The following LPCAT3 variants were observed in gnomAD, a reference collection of about 807,000 sequenced individuals.
LPCAT3 encodes the protein lysophosphatidylcholine acyltransferase 3.
LPCAT3 carries 21 observed loss-of-function variants against 63.4 expected under a neutral mutation model. The observed-to-expected ratio is 0.33, with a 90% CI of 0.23 to 0.48. LPCAT3 has a LOEUF of 0.48. LPCAT3 is among the 20% of genes least tolerant of loss of function. The probability of loss-of-function intolerance (pLI) is 0.99; values close to 1 mark genes in which losing one functional copy is unlikely to be tolerated. For missense variants in LPCAT3, 451 were observed against 590.6 expected (o/e 0.76, Z 2.45); for synonymous variants, 242 against 227.5 (o/e 1.06, Z -0.58).
intron 1 of LPCAT3, among the ~76,000 whole-genome samples, chr12:6,991,019 TATAA>T (rs1946584792): frequency 6.6e-6 from 1 of 151,766 alleles, no homozygotes; most frequent in African/African-American, 2.4e-5. Flanking sequence ...ATTATATTAA[TATAA>T]ATAACATACT....
intron 1 of LPCAT3, among the ~76,000 whole-genome samples, chr12:7,006,919 C>T (rs943116416): frequency 9.2e-5 from 14 of 152,210 alleles, no homozygotes; most frequent in African/African-American, 3.4e-4. Flanking sequence ...TTTACCACAT[C>T]TACATGGATG....
chr12:6,976,987 C>T, intron 12 of LPCAT3, 96 bp from the exon 13 acceptor site: 3 of 630,242 alleles, frequency 4.8e-6, no homozygotes, highest in South Asian at 3.7e-5. Flanking sequence ...CTCAATAAGT[C>T]ACAGTAGTCA....
intron 7 of LPCAT3, chr12:6,979,234 G>C: frequency 1.8e-6 from 1 of 551,044 alleles, no homozygotes; most frequent in Non-Finnish European, 3.2e-6. Flanking sequence ...GGCTCCTAGA[G>C]AAGGCAACGG....
At chr12:6,993,438 G>GA (rs113095523) in intron 1 of LPCAT3, among the ~76,000 whole-genome samples, 504 of 134,892 alleles carry the variant, frequency 3.7e-3, no homozygotes, top group Middle Eastern at 7.8e-3. Context: ...ATCTCAAAAA[G>GA]AAAAAAAAAA....
chr12:7,018,298 G>A lies in LPCAT3; in HGVS notation c.127C>T (p.Arg43Trp). The part of the protein sequence containing the change: ...TSLGASEQAL[R>W]LIISIFLGYP... ...CCCAGGAAGATGGAGATGATCAGCC[G>A]CAGCGCCTGTTCTGACGCGCCCAGG... The change falls in exon 1 of 13, where the codon CGG becomes TGG. Residue 43 changes from arginine (R) to tryptophan (W), a missense_variant. Arg to Trp is a moderately radical substitution (Grantham distance 101). Around this residue, in one of 3 missense-constraint regions of LPCAT3, gnomAD observed 133 missense variants for 152.1 expected, o/e 0.87. Transcript: ENST00000261407. The surrounding 1 kb of genome is among the most constrained non-coding windows in gnomAD (Gnocchi z 4.9). 6.2e-7 allele frequency: 1 copy of A among 1,605,730 alleles called. No homozygotes were observed. The highest frequency in any genetic ancestry group is 8.5e-7 in the Non-Finnish European group (1 of 1,176,530).
At position 6,981,631 on chromosome 12, in the gene LPCAT3, A is replaced by G. The variant is rs782102543; in HGVS notation, c.462T>C (p.Gly154=). 2 of 1,613,212 alleles carry G rather than the reference A, an allele frequency of 1.2e-6. No individual in the cohort carries two copies. Among genetic ancestry groups the G allele is most frequent in the Non-Finnish European group, 1.7e-6 (2 of 1,179,736 alleles). The stretch of plus-strand genomic sequence containing the variant: ...CTCCGTCAAAGTAGTCAACAGCCAA[A>G]CCTGAGCAGAGAGAGAACGGATGGG... ...PHCVLTLKLI[G]LAVDYFDGGK... is the part of the protein sequence containing the mutation. The change falls in exon 5 of 13, where the codon GGT becomes GGC. Residue 154 remains glycine, a splice_region_variant and synonymous_variant. Transcript: ENST00000261407.
intron 7 of LPCAT3, chr12:6,979,105 G>C (rs76427977): frequency 3.3e-6 from 1 of 301,314 alleles, no homozygotes; most frequent in Non-Finnish European, 6.2e-6. Flanking sequence ...CCCTTCCCTT[G>C]GTTTCTGAAT....
chr12:6,978,013 C>T (rs978034351), intron 9 of LPCAT3: 2 of 564,072 alleles, frequency 3.5e-6, no homozygotes, highest in Non-Finnish European at 6.3e-6. Flanking sequence ...GAACCAGACA[C>T]TCTACTCAAG....
In LPCAT3 at chr12:6,978,340, C is replaced by T; in HGVS notation, c.1040+1G>A. On this transcript the variant is annotated splice_donor_variant, in intron 9 of 12. Transcript: ENST00000261407. LOFTEE classifies it high-confidence loss of function. ...GTCCAGGCTCCCCACCAGCAGCTCA[C>T]CGGGCCACCCAGGCGTTGGTGTTGA... 1 of 1,604,998 alleles carries T rather than the reference C, an allele frequency of 6.2e-7. No individual in the cohort carries two copies. The highest frequency in any genetic ancestry group is 8.5e-7 in the Non-Finnish European group (1 of 1,174,918).
intron 1 of LPCAT3, among the ~76,000 whole-genome samples, chr12:7,005,970 G>A (rs762664182): frequency 6.6e-6 from 1 of 151,984 alleles, no homozygotes; most frequent in Admixed American, 6.6e-5. Flanking sequence ...TTTTTTCTAT[G>A]TCAGCATCTC....
intron 7 of LPCAT3, 23 bp downstream of exon 7, chr12:6,979,448 C>T: frequency 6.5e-7 from 1 of 1,540,350 alleles, no homozygotes; most frequent in South Asian, 1.1e-5. Flanking sequence ...AGTCATGCTG[C>T]TGCTGCTTTA....
intron 1 of LPCAT3, among the ~76,000 whole-genome samples, chr12:7,005,851 T>C (rs1946721978): frequency 6.6e-6 from 1 of 152,222 alleles, no homozygotes; most frequent in Non-Finnish European, 1.5e-5. Context: ...TATTTTCTCC[T>C]ATTCTGTGGG....
chr12:7,010,872 C>CA (rs1555157174), intron 1 of LPCAT3, among the ~76,000 whole-genome samples: 1 of 152,104 alleles, frequency 6.6e-6, no homozygotes, highest in African/African-American at 2.4e-5. Context: ...AGGTCTCCTT[C>CA]TGTCATCTAG....
chr12:6,981,726 G>T, intron 4 of LPCAT3, 85 bp downstream of exon 4: 1 of 1,411,344 alleles, frequency 7.1e-7, no homozygotes, highest in South Asian at 1.1e-5. Flanking sequence ...TATGGCGGGG[G>T]GCGGAGGGGG....
chr12:6,997,379 A>ATGTGTGTGTGTGTGTGTG (rs201579525), intron 1 of LPCAT3: 3 of 114,046 alleles, frequency 2.6e-5, no homozygotes, highest in Non-Finnish European at 5.4e-5. Flanking sequence ...ACAGCAAATT[A>ATGTGTGTGTGTGTGTGTG]TGTGTGTGTG....
intron 1 of LPCAT3, among the ~76,000 whole-genome samples, chr12:6,985,906 C>T (rs1255141889): frequency 2.0e-5 from 3 of 151,444 alleles, no homozygotes; most frequent in Non-Finnish European, 2.9e-5. Flanking sequence ...TCCCAAGTAG[C>T]TGGGATTACA....
chr12:7,000,380 G>A (rs1279281826), intron 1 of LPCAT3, among the ~76,000 whole-genome samples: 1 of 150,930 alleles, frequency 6.6e-6, no homozygotes, highest in Non-Finnish European at 1.5e-5. Context: ...GAGGTCAGGA[G>A]ATCGAGACCA....
chr12:6,977,843 C>T lies in LPCAT3; in HGVS notation c.1041-98G>A. The T allele has an allele frequency of 1.4e-6, 2 of 1,446,512 alleles. No individual in the cohort carries two copies. The highest frequency in any genetic ancestry group is 1.9e-6 in the Non-Finnish European group (2 of 1,042,114). The allele number at this position is 1,446,512 out of a possible 1,614,324, so 89.6% of individuals were successfully genotyped here. On this transcript the variant is annotated intron_variant, in intron 9 of 12. Coordinates refer to ENST00000261407, the MANE Select transcript of LPCAT3 (RefSeq NM_005768.6). This position sits in a 1 kb window ranked among gnomAD's most constrained non-coding sequence, Gnocchi z 4.5. The stretch of plus-strand genomic sequence containing the variant: ...TCACCCTGAGGATTGGATTGGAGTG[C>T]TGGTGGGTTCCCACGTGTAGCCCCC...
At chr12:7,001,519 G>A (rs782067373) in intron 1 of LPCAT3, 4 of 455,998 alleles carry the variant, frequency 8.8e-6, no homozygotes, top group East Asian at 6.9e-5. Flanking sequence ...GATTAGTTCC[G>A]GTGAGGCTTT....
Sources: allele counts gnomAD v4.1 joint callset (sites outside exome capture counted in the v4.1 genomes callset), GRCh38; gene constraint gnomAD v4.1.1; regional missense constraint gnomAD v4.1.1; non-coding constraint Gnocchi (gnomAD v3.1); transcripts MANE v1.5; gene names NCBI Gene and HGNC (gene_info 2026-07-23, HGNC 2026-07-21).